RNF216: variants seen among roughly 807,000 people sequenced by gnomAD.
The protein encoded by RNF216 is ring finger protein 216, also known as E3 ubiquitin-protein ligase RNF216.
In RNF216, 72 loss-of-function variants were observed where a neutral mutation model predicts 110.8. The ratio of observed to expected loss-of-function variants is 0.65; its 90% CI spans 0.54 to 0.79. RNF216 has a LOEUF of 0.79. RNF216 is among the 30% of genes least tolerant of loss of function. The pLI, the probability that RNF216 is intolerant of heterozygous loss-of-function variation, is 0.00. For synonymous variants in RNF216, 495 were observed against 407.5 expected (o/e 1.21, Z -2.59); for missense variants, 1,342 against 1,141.2 (o/e 1.18, Z -2.54).
Position 5,660,943 on chromosome 7 carries a change from G to GTTTTTTTT in RNF216, c.2062-8441_2062-8434dup, listed in dbSNP as rs1168463360. ...TAGCTCCATGCTCCTGAAGCCTTAGGTTTTTTTTTTTTTTTTTTTTTTTTT... is the reference window on the plus strand; with the variant it reads ...TAGCTCCATGCTCCTGAAGCCTTAGGTTTTTTTTTTTTTTTTTTTTTTTTTTTTTTTTT... On this transcript the variant is annotated intron_variant, in intron 13 of 16. Transcript: ENST00000389902. 2.3e-4 allele frequency among the ~76,000 whole-genome samples: 21 copies of GTTTTTTTT among 90,150 alleles called. 1 individual carries two copies. The highest frequency in any genetic ancestry group is 8.2e-4 in the African/African-American group (15 of 18,266). 59.1% of individuals were successfully genotyped at this position (90,150 alleles called of 152,430 possible). A position where few individuals can be genotyped will look rare whatever the true frequency, so the allele number is the denominator to read the frequency against.
chr7:5,714,174 G>C (rs1792895796), intron 11 of RNF216, among the ~76,000 whole-genome samples: 1 of 152,106 alleles, frequency 6.6e-6, no homozygotes. Flanking sequence ...TGTTGGCCAG[G>C]CTAGTCTCGA....
rs773073410 is a variant in RNF216 at position 5,713,769 on chromosome 7, A to G, written c.1834-906T>C. Reference sequence around the variant, plus strand: ...GGAAAAAGACGACATTTTAAAAATAACTAGCTAAAATTTATGAGGCATTTA... The same window carrying G: ...GGAAAAAGACGACATTTTAAAAATAGCTAGCTAAAATTTATGAGGCATTTA... On this transcript the variant is annotated intron_variant, in intron 11 of 16. Coordinates refer to ENST00000389902, the MANE Select transcript of RNF216 (RefSeq NM_207111.4). 2.7e-4 allele frequency among the ~76,000 whole-genome samples: 41 copies of G among 152,268 alleles called. 1 individual carries two copies. The highest frequency in any genetic ancestry group is 1.3e-4 in the Non-Finnish European group (9 of 68,046).
At chr7:5,687,339 T>C (rs917765321) in intron 13 of RNF216, among the ~76,000 whole-genome samples, 2 of 135,920 alleles carry the variant, frequency 1.5e-5, no homozygotes, top group African/African-American at 5.8e-5. Flanking sequence ...GAGGTTGCAG[T>C]GAGCTGAGAC....
At chr7:5,755,185 G>A (rs1231314712) in intron 2 of RNF216, among the ~76,000 whole-genome samples, 3 of 138,576 alleles carry the variant, frequency 2.2e-5, no homozygotes, top group Non-Finnish European at 4.7e-5. Flanking sequence ...AGGAAAGGAA[G>A]AAGGAAGGAA....
intron 5 of RNF216, among the ~76,000 whole-genome samples, chr7:5,732,598 A>C (rs1186968707): frequency 1.3e-5 from 2 of 152,292 alleles, no homozygotes; most frequent in African/African-American, 2.4e-5. Flanking sequence ...GTCAAAATTC[A>C]TTTCTAGTTT....
chr7:5,702,191 A>C (rs1361895042), intron 13 of RNF216, among the ~76,000 whole-genome samples: 2 of 151,970 alleles, frequency 1.3e-5, no homozygotes. Flanking sequence ...GAGGGGAGAA[A>C]CCTGAGGGGC....
chr7:5,720,753 A>G (rs1793369453), intron 9 of RNF216, among the ~76,000 whole-genome samples: 1 of 152,238 alleles, frequency 6.6e-6, no homozygotes, highest in Non-Finnish European at 1.5e-5. Context: ...TACTATATTT[A>G]GAAAAATTAA....
chr7:5,768,111 C>T (rs1456343272), intron 1 of RNF216, among the ~76,000 whole-genome samples: 1 of 151,822 alleles, frequency 6.6e-6, no homozygotes, highest in African/African-American at 2.4e-5. Context: ...GGAGGAGTAT[C>T]ATTTGGAACT....
chr7:5,711,834 G>C lies in RNF216; in HGVS notation c.1988C>G (p.Pro663Arg). 1.9e-6 allele frequency: 3 copies of C among 1,613,656 alleles called. No individual in the cohort carries two copies. The highest frequency in any genetic ancestry group is 2.5e-6 in the Non-Finnish European group (3 of 1,179,780). Residue 663 changes from proline (P) to arginine (R), a missense_variant, in exon 13 of 17, where the codon CCG (proline) becomes CGG (arginine). Pro to Arg is a moderately radical substitution (Grantham distance 103, BLOSUM62 -2). Transcript: ENST00000389902. ...AAYADELVRCPSCSFPALLDS... is the reference protein window; with the variant it reads ...AAYADELVRCRSCSFPALLDS... Reference sequence around the variant, plus strand: ...CAACAGAGCCGGAAAGCTACAGGACGGGCACCTAGAGTCAGAACAGCAGAA... The same window carrying C: ...CAACAGAGCCGGAAAGCTACAGGACCGGCACCTAGAGTCAGAACAGCAGAA...
Position 5,741,232 on chromosome 7 carries a change from C to T in RNF216, c.785G>A (p.Arg262His), listed in dbSNP as rs191573023. The change falls in exon 4 of 17, where the codon CGC becomes CAC. Residue 262 changes from arginine (R) to histidine (H), a missense_variant. Arg to His is a conservative substitution (Grantham distance 29). Transcript: ENST00000389902. Reference protein sequence around the residue: ...QERQPEAELGRLLFQHEFPGP... With the variant: ...QERQPEAELGHLLFQHEFPGP... ...TGGGAATTCATGCTGAAACAACAAG[C>T]GGCCCAGTTCTGCTTCAGGCTGCCG... 103 of 1,614,130 alleles carry T rather than the reference C, an allele frequency of 6.4e-5. 1 individual carries two copies. The Middle Eastern group carries it at 8.3e-4, about 13-fold the overall frequency.
At chr7:5,774,378 C>T (rs966056874) in intron 1 of RNF216, among the ~76,000 whole-genome samples, 1 of 152,162 alleles carries the variant, frequency 6.6e-6, no homozygotes. Flanking sequence ...TTCAATGCTG[C>T]AAGTAAGCTA....
intron 1 of RNF216, among the ~76,000 whole-genome samples, chr7:5,781,218 G>A (rs1446432823): frequency 1.3e-5 from 2 of 152,146 alleles, no homozygotes; most frequent in South Asian, 2.1e-4. Context: ...GGGGAGGGAA[G>A]CGCGGTCTCC....
In RNF216 at chr7:5,680,287, C is replaced by G. The variant is rs77480997; in HGVS notation, c.2062-27777G>C. The G allele has an allele frequency of 3.3e-5, 5 of 152,328 alleles. No individual in the cohort carries two copies. The highest frequency in any genetic ancestry group is 1.2e-4 in the African/African-American group (5 of 41,434). The allele number at this position is 152,328 out of a possible 1,614,324, so 9.4% of individuals were successfully genotyped here. ...ACAGGGAAGTGGTTCCTTTGTCCCC[C>G]GCCCTGCCCCCAGCTAGCTCTGTCA... On this transcript the variant is annotated intron_variant, in intron 13 of 16. Transcript: ENST00000389902. The surrounding 1 kb of genome is among the most constrained non-coding windows in gnomAD (Gnocchi z 4.3).
chr7:5,762,159 T>C (rs1445507970), intron 1 of RNF216, among the ~76,000 whole-genome samples: 7 of 152,156 alleles, frequency 4.6e-5, no homozygotes, highest in African/African-American at 1.4e-4. Context: ...TAATGTTAAA[T>C]GAAAATAAGT....
intron 2 of RNF216, among the ~76,000 whole-genome samples, chr7:5,755,936 T>A (rs1795614062): frequency 6.6e-6 from 1 of 151,580 alleles, no homozygotes; most frequent in South Asian, 2.1e-4. Flanking sequence ...CACGTCCTTA[T>A]GGGAACACAA....
At chr7:5,658,750 G>C (rs753316677) in intron 13 of RNF216, among the ~76,000 whole-genome samples, 1 of 150,564 alleles carries the variant, frequency 6.6e-6, no homozygotes, top group African/African-American at 2.4e-5. Flanking sequence ...TAAATTTTCT[G>C]TATCTGTGTA....
At chr7:5,658,165 T>C (rs1259365708) in intron 13 of RNF216, among the ~76,000 whole-genome samples, 1 of 152,140 alleles carries the variant, frequency 6.6e-6, no homozygotes, top group Non-Finnish European at 1.5e-5. Context: ...CCATGAGTAA[T>C]CAGAACCTCC....
chr7:5,624,085 G>A lies in RNF216; in HGVS notation c.2423C>T (p.Ala808Val), dbSNP rs1786559450. 1.2e-6 allele frequency: 2 copies of A among 1,613,732 alleles called. No homozygotes were observed. Among genetic ancestry groups the A allele is most frequent in the Non-Finnish European group, 1.7e-6 (2 of 1,179,950 alleles). The change falls in exon 16 of 17, where the codon GCT becomes GTT. Residue 808 changes from alanine (A) to valine (V), a missense_variant. By Grantham distance (64) the Ala-to-Val change is moderately conservative. Transcript: ENST00000389902. The surrounding 1 kb of genome is among the most constrained non-coding windows in gnomAD (Gnocchi z 4.4). ...EKLIEEIQKE[A>V]EEEQKRKNGE... is the part of the protein sequence containing the mutation. ...ATTCTTTCTTTTCTGTTCCTCTTCA[G>A]CCTCCTTCTGGATTTCCTCAATAAG...
intron 9 of RNF216, among the ~76,000 whole-genome samples, chr7:5,719,488 G>C (rs112311344): frequency 0.022 from 3,319 of 152,310 alleles, 59 homozygotes; most frequent in Non-Finnish European, 0.031. Context: ...CAAAGATGTT[G>C]TCAGAGACTA....
Sources: gnomAD v4.1 joint callset for allele counts (sites outside exome capture counted in the v4.1 genomes callset) on GRCh38, gnomAD v4.1.1 for gene constraint, Gnocchi (gnomAD v3.1) non-coding constraint, MANE v1.5 for transcripts, NCBI Gene and HGNC (gene_info 2026-07-23, HGNC 2026-07-21) for gene names.